Variants in RELN observed in about 807,000 individuals in gnomAD.
RELN encodes reelin.
A neutral mutation model predicts 427.6 loss-of-function variants in RELN; 108 were observed. The ratio of observed to expected loss-of-function variants is 0.25; its 90% CI spans 0.22 to 0.30. The LOEUF (loss-of-function observed/expected upper bound fraction) is 0.30. RELN is among the 10% of genes least tolerant of loss of function. RELN has a pLI of 1.00. For synonymous variants in RELN, 1,524 were observed against 1,513.4 expected, an observed-to-expected ratio of 1.01 and a Z score of -0.16; for missense variants, 3,715 against 4,302.8, an observed-to-expected ratio of 0.86 and a Z score of 3.82.
At chr7:103,850,240 G>T (rs1793789698) in intron 2 of RELN, among the ~76,000 whole-genome samples, 1 of 152,226 alleles carries the variant, frequency 6.6e-6, no homozygotes, top group Non-Finnish European at 1.5e-5. Flanking sequence ...TGCTCCTGCA[G>T]GACCCAGGAG....
chr7:103,746,856 C>T (rs931180137), intron 6 of RELN, among the ~76,000 whole-genome samples: 19 of 151,874 alleles, frequency 1.3e-4, no homozygotes, highest in Admixed American at 3.3e-4. Context: ...GTCAGTGTGG[C>T]GATTCCTCAG....
chr7:103,497,767 G>T, intron 55 of RELN, 53 bp downstream of exon 55: 1 of 1,418,978 alleles, frequency 7.0e-7, no homozygotes, highest in Non-Finnish European at 1.0e-6. Context: ...TGAGGGTGTT[G>T]GATGGAATTT....
At chr7:103,597,287 T>C (rs953589237) in intron 24 of RELN, among the ~76,000 whole-genome samples, 3 of 152,120 alleles carry the variant, frequency 2.0e-5, no homozygotes. Flanking sequence ...CCAGGCAACG[T>C]AGAAGCTTCT....
chr7:103,948,566 G>A (rs1796266072), intron 1 of RELN, among the ~76,000 whole-genome samples: 3 of 151,872 alleles, frequency 2.0e-5, no homozygotes, highest in South Asian at 2.1e-4. Flanking sequence ...CCAGCTACTC[G>A]GGAGGCTGAG....
intron 1 of RELN, among the ~76,000 whole-genome samples, chr7:103,940,688 G>A (rs2116734819): frequency 6.6e-6 from 1 of 152,252 alleles, no homozygotes; most frequent in Middle Eastern, 3.4e-3. Context: ...AACCAAATCT[G>A]AAACCTGAAA....
In RELN at chr7:103,573,863, C is replaced by A. The variant is rs190632289; in HGVS notation, c.4511+229G>T. Among the ~76,000 whole-genome samples the A allele has an allele frequency of 6.6e-6, 1 of 152,176 alleles. No individual in the cohort carries two copies. Among genetic ancestry groups the A allele is most frequent in the Non-Finnish European group, 1.5e-5 (1 of 68,032 alleles). On this transcript the variant is annotated intron_variant, in intron 30 of 64. Coordinates refer to ENST00000428762, the MANE Select transcript of RELN (RefSeq NM_005045.4). This position sits in a 1 kb window ranked among gnomAD's most constrained non-coding sequence, Gnocchi z 4.4. ...ATCAAGCTGGCATACCCTAGACACA[C>A]AGGCCTTGGTGATGACCACACATGG... is the stretch of plus-strand genomic sequence containing the variant.
At position 103,545,375 on chromosome 7, in the gene RELN, A is replaced by T. The variant is rs1341285599; in HGVS notation, c.6303-31T>A. ...AAAGAGGACAAGTCTTTCAAAAGCT[A>T]ATCAACAGAACAATATACCTTCAAA... On this transcript the variant is annotated intron_variant, in intron 41 of 64. Coordinates refer to ENST00000428762, the MANE Select transcript of RELN (RefSeq NM_005045.4). 5.5e-6 allele frequency: 8 copies of T among 1,463,466 alleles called. No homozygotes were observed. The Admixed American group carries it at 1.3e-4, about 25-fold the overall frequency. 90.7% of individuals were successfully genotyped at this position (1,463,466 alleles called of 1,614,324 possible).
chr7:103,485,357 G>GA (rs1287781177), intron 61 of RELN, among the ~76,000 whole-genome samples: 1 of 151,454 alleles, frequency 6.6e-6, no homozygotes, highest in Non-Finnish European at 1.5e-5. Flanking sequence ...TTCCGCTTGT[G>GA]AAAATACAAC....
At chr7:103,713,224 T>C (rs1789850024) in intron 8 of RELN, among the ~76,000 whole-genome samples, 1 of 152,208 alleles carries the variant, frequency 6.6e-6, no homozygotes, top group African/African-American at 2.4e-5. Context: ...GTGCTGCCAC[T>C]GCCATTACTC....
rs375542264 is a variant in RELN at position 103,654,130 on chromosome 7, T to A, written c.1517A>T (p.His506Leu). The change falls in exon 13 of 65, where the codon CAT becomes CTT. Residue 506 changes from histidine to leucine, a missense_variant. By Grantham distance (99) the His-to-Leu change is moderately conservative (BLOSUM62 -3). Coordinates refer to ENST00000428762, the MANE Select transcript of RELN (RefSeq NM_005045.4). Reference sequence around the variant, plus strand: ...ATAGGAAAGGGTATCCAGTGTTATATGCTCTTTTCTTCCTTCAATTTTTGC... The same window carrying A: ...ATAGGAAAGGGTATCCAGTGTTATAAGCTCTTTTCTTCCTTCAATTTTTGC... ...LYAKIEGRKE[H>L]ITLDTLSYSS... is the part of the protein sequence containing the mutation. The A allele has an allele frequency of 1.2e-6, 2 of 1,605,212 alleles. No individual in the cohort carries two copies. The highest frequency in any genetic ancestry group is 2.7e-5 in the African/African-American group (2 of 74,640).
At chr7:103,683,680 A>C (rs1191891312) in intron 10 of RELN, among the ~76,000 whole-genome samples, 3 of 152,222 alleles carry the variant, frequency 2.0e-5, no homozygotes, top group African/African-American at 7.2e-5. Context: ...TGTATGGTAC[A>C]TAATATTTGA....
chr7:103,751,892 G>C lies in RELN; in HGVS notation c.577+1290C>G, dbSNP rs3819473. 7.5e-4 allele frequency among the ~76,000 whole-genome samples: 115 copies of C among 152,320 alleles called. No homozygotes were observed. In the South Asian group the frequency reaches 0.012, roughly 15 times the overall value. On this transcript the variant is annotated intron_variant, in intron 5 of 64. Coordinates refer to ENST00000428762, the MANE Select transcript of RELN (RefSeq NM_005045.4). The stretch of plus-strand genomic sequence containing the variant: ...GAAAGTCCCATAGTGAAAGACATTT[G>C]AAAAGGCTGCAACCAGCTAGGATGA...
At chr7:103,719,859 G>C (rs930374273) in intron 8 of RELN, among the ~76,000 whole-genome samples, 1 of 152,116 alleles carries the variant, frequency 6.6e-6, no homozygotes, top group African/African-American at 2.4e-5. Context: ...ATGGATAAGA[G>C]ATCTTTCACT....
rs1345294450 is a variant in RELN, at chr7:103,733,488, C to T, written c.657-5281G>A. Among the ~76,000 whole-genome samples, 332 of 135,970 alleles carry T rather than the reference C, an allele frequency of 2.4e-3. 1 individual carries two copies. The highest frequency in any genetic ancestry group is 8.9e-3 in the African/African-American group (319 of 35,950). 89.2% of individuals were successfully genotyped at this position (135,970 alleles called of 152,430 possible). On this transcript the variant is annotated intron_variant, in intron 6 of 64. Coordinates refer to ENST00000428762, the MANE Select transcript of RELN (RefSeq NM_005045.4). ...TCATGCTGCTATAAAGACACATGCA[C>T]ATGTATGTTTATTGTGGCATTATTC...
chr7:103,582,558 T>A (rs1294081884), intron 28 of RELN, among the ~76,000 whole-genome samples: 4 of 152,198 alleles, frequency 2.6e-5, no homozygotes, highest in Non-Finnish European at 4.4e-5. Flanking sequence ...GTTTAACAGA[T>A]CACAGAAACT....
At chr7:103,890,692 A>T (rs1338899920) in intron 2 of RELN, among the ~76,000 whole-genome samples, 1 of 152,186 alleles carries the variant, frequency 6.6e-6, no homozygotes, top group Non-Finnish European at 1.5e-5. Context: ...GCATTTAAGC[A>T]ATCAAGCCTC....
At chr7:103,656,883 G>A (rs1468119433) in intron 12 of RELN, among the ~76,000 whole-genome samples, 1 of 151,980 alleles carries the variant, frequency 6.6e-6, no homozygotes, top group Non-Finnish European at 1.5e-5. Context: ...AACATTTTCA[G>A]GTATATAGAT....
intron 2 of RELN, among the ~76,000 whole-genome samples, chr7:103,851,554 G>A (rs1453659761): frequency 1.3e-5 from 2 of 152,130 alleles, no homozygotes; most frequent in Non-Finnish European, 2.9e-5. Flanking sequence ...TAAATGGAAG[G>A]AGCTCTCCGT....
At chr7:103,718,018 T>G (rs1245681658) in intron 8 of RELN, among the ~76,000 whole-genome samples, 1 of 152,124 alleles carries the variant, frequency 6.6e-6, no homozygotes, top group Non-Finnish European at 1.5e-5. Context: ...ATAGAATACC[T>G]TTTACAAGTG....
Sources: allele counts gnomAD v4.1 joint callset (sites outside exome capture counted in the v4.1 genomes callset), GRCh38; gene constraint gnomAD v4.1.1; non-coding constraint Gnocchi (gnomAD v3.1); transcripts MANE v1.5; gene names NCBI Gene and HGNC (gene_info 2026-07-23, HGNC 2026-07-21).